GRM5: variants seen among roughly 807,000 people sequenced by gnomAD.
The protein encoded by GRM5 is glutamate metabotropic receptor 5, also known as metabotropic glutamate receptor 5.
A neutral mutation model predicts 83.1 loss-of-function variants in GRM5; 19 were observed. The observed-to-expected ratio is 0.23, with a 90% CI of 0.16 to 0.34. The LOEUF (loss-of-function observed/expected upper bound fraction) is 0.34. Ranked by LOEUF, GRM5 falls within the 10% of genes least tolerant of loss-of-function variation. The pLI, the probability that GRM5 is intolerant of heterozygous loss-of-function variation, is 1.00. For synonymous variants in GRM5, 675 were observed against 633.6 expected, an observed-to-expected ratio of 1.07 and a Z score of -0.98; for missense variants, 1,160 against 1,588.3, an observed-to-expected ratio of 0.73 and a Z score of 4.58.
chr11:88,874,497 C>T (rs145152710), intron 2 of GRM5, among the ~76,000 whole-genome samples: 16 of 151,758 alleles, frequency 1.1e-4, no homozygotes, highest in African/African-American at 3.4e-4. Flanking sequence ...GAAGAAAACA[C>T]AGGAAAAAAA....
intron 2 of GRM5, among the ~76,000 whole-genome samples, chr11:88,952,210 C>T (rs1278000236): frequency 2.6e-5 from 4 of 152,156 alleles, no homozygotes; most frequent in African/African-American, 9.7e-5. Context: ...TCCCCATTTC[C>T]TGGGATACCC....
Position 88,653,298 on chromosome 11 carries a change from A to G in GRM5, c.1017T>C (p.Asp339=), listed in dbSNP as rs774531940. The G allele has an allele frequency of 6.2e-7, 1 of 1,613,170 alleles. No individual in the cohort carries two copies. Among genetic ancestry groups the G allele is most frequent in the South Asian group, 1.1e-5 (1 of 91,058 alleles). Residue 339 remains aspartate, a synonymous_variant, in exon 4 of 10, where the codon GAT becomes GAC. Coordinates refer to ENST00000305447, the MANE Select transcript of GRM5 (RefSeq NM_001143831.3). ...TTTCTGGCCGGAGCTTCAGATAATA[A>G]TCATCAAACCACTTGACATCGGGAG... ...LQSPDVKWFD[D]YYLKLRPETN...
intron 4 of GRM5, among the ~76,000 whole-genome samples, chr11:88,620,075 C>T (rs1212176811): frequency 3.9e-5 from 6 of 152,174 alleles, no homozygotes; most frequent in African/African-American, 1.4e-4. Flanking sequence ...CCCTCCAAGC[C>T]AGAATTAATC....
chr11:88,554,273 G>T (rs1236394642), intron 8 of GRM5, among the ~76,000 whole-genome samples: 1 of 152,010 alleles, frequency 6.6e-6, no homozygotes, highest in Non-Finnish European at 1.5e-5. Flanking sequence ...ATGTCTCTCC[G>T]ACTCTGGCAC....
At chr11:89,046,792 T>C (rs1200662657) in intron 2 of GRM5, among the ~76,000 whole-genome samples, 1 of 152,174 alleles carries the variant, frequency 6.6e-6, no homozygotes, top group African/African-American at 2.4e-5. Flanking sequence ...TTCAATCCTA[T>C]GTGTATTTAT....
At chr11:88,737,730 C>T (rs1240012837) in intron 3 of GRM5, among the ~76,000 whole-genome samples, 1 of 152,026 alleles carries the variant, frequency 6.6e-6, no homozygotes, top group Admixed American at 6.6e-5. Flanking sequence ...TTTAAGCAGG[C>T]TCATCTTGGC....
chr11:88,511,098 C>T (rs1442813756), intron 9 of GRM5, among the ~76,000 whole-genome samples: 1 of 152,162 alleles, frequency 6.6e-6, no homozygotes, highest in Admixed American at 6.5e-5. Flanking sequence ...GATTGGCTTC[C>T]AAGGATCTAT....
chr11:88,642,291 G>T (rs1364800805), intron 4 of GRM5, among the ~76,000 whole-genome samples: 1 of 152,132 alleles, frequency 6.6e-6, no homozygotes, highest in African/African-American at 2.4e-5. Context: ...GCTGCAAAGG[G>T]CAGCAGGGTC....
intron 7 of GRM5, among the ~76,000 whole-genome samples, chr11:88,584,168 A>G (rs1416799342): frequency 6.6e-6 from 1 of 151,110 alleles, no homozygotes; most frequent in Non-Finnish European, 1.5e-5. Flanking sequence ...TAAAATCTAT[A>G]TTAAAAAATG....
chr11:88,813,846 C>T (rs1055594526), intron 3 of GRM5, among the ~76,000 whole-genome samples: 2 of 151,902 alleles, frequency 1.3e-5, no homozygotes, highest in Admixed American at 6.6e-5. Flanking sequence ...TGGCTCATAA[C>T]GTTTTATAAA....
At chr11:88,637,933 A>T (rs534059322) in intron 4 of GRM5, among the ~76,000 whole-genome samples, 4 of 151,688 alleles carry the variant, frequency 2.6e-5, no homozygotes, top group African/African-American at 7.3e-5. Context: ...AGACTGGATT[A>T]AGAAAATGTG....
chr11:88,984,407 G>C (rs1486675280), intron 2 of GRM5, among the ~76,000 whole-genome samples: 1 of 152,104 alleles, frequency 6.6e-6, no homozygotes, highest in Non-Finnish European at 1.5e-5. Context: ...AGGAGCAATA[G>C]GCCATACCAC....
intron 2 of GRM5, among the ~76,000 whole-genome samples, chr11:88,950,096 G>A (rs566514845): frequency 5.3e-4 from 80 of 150,198 alleles, no homozygotes; most frequent in African/African-American, 1.9e-3. Flanking sequence ...GGATGGTCTC[G>A]ATCTCCTGAC....
intron 8 of GRM5, among the ~76,000 whole-genome samples, chr11:88,557,865 C>T (rs1160491904): frequency 6.6e-6 from 1 of 151,868 alleles, no homozygotes; most frequent in African/African-American, 2.4e-5. Flanking sequence ...AACCCATCAC[C>T]TACATTAGGT....
chr11:88,556,707 A>C lies in GRM5; in HGVS notation c.2630+10346T>G, dbSNP rs548323785. 2.0e-4 allele frequency among the ~76,000 whole-genome samples: 30 copies of C among 152,164 alleles called. No homozygotes were observed. In the South Asian group the frequency reaches 5.8e-3, roughly 29 times the overall value. ...GAATATTTTTGTCCTTATTTTCTAG[A>C]GGCTCTGAGAATTTAAGTGCTTAGT... On this transcript the variant is annotated intron_variant, in intron 8 of 9. Coordinates refer to ENST00000305447, the MANE Select transcript of GRM5 (RefSeq NM_001143831.3).
chr11:89,005,047 A>T (rs1940487687), intron 2 of GRM5, among the ~76,000 whole-genome samples: 1 of 152,190 alleles, frequency 6.6e-6, no homozygotes, highest in Non-Finnish European at 1.5e-5. Flanking sequence ...TAGGCTTAGG[A>T]CATTACTGAC....
At chr11:88,674,065 CT>C (rs1433399594) in intron 3 of GRM5, among the ~76,000 whole-genome samples, 1 of 151,774 alleles carries the variant, frequency 6.6e-6, no homozygotes, top group Non-Finnish European at 1.5e-5. Context: ...TATGCTGGAT[CT>C]AAGAAATGTC....
chr11:88,649,100 T>C (rs1939551784), intron 4 of GRM5, among the ~76,000 whole-genome samples: 1 of 144,092 alleles, frequency 6.9e-6, no homozygotes, highest in East Asian at 2.0e-4. Context: ...AAATATATAA[T>C]ATATATTAAA....
At chr11:88,709,860 G>C (rs1941244497) in intron 3 of GRM5, among the ~76,000 whole-genome samples, 1 of 152,114 alleles carries the variant, frequency 6.6e-6, no homozygotes, top group South Asian at 2.1e-4. Flanking sequence ...AACAGAATCT[G>C]TTCTCAATAG....
Sources: gnomAD v4.1 joint callset for allele counts (sites outside exome capture counted in the v4.1 genomes callset) on GRCh38, gnomAD v4.1.1 for gene constraint, MANE v1.5 for transcripts, NCBI Gene and HGNC (gene_info 2026-07-23, HGNC 2026-07-21) for gene names.